PPARA: variants seen among roughly 807,000 people sequenced by gnomAD.
The protein encoded by PPARA is peroxisome proliferator activated receptor alpha.
A neutral mutation model predicts 42.2 loss-of-function variants in PPARA; 22 were observed. The ratio of observed to expected loss-of-function variants is 0.52; its 90% CI spans 0.37 to 0.74. The LOEUF (loss-of-function observed/expected upper bound fraction) is 0.74, where lower values mean the gene tolerates loss of function less well. Among genes scored for constraint, PPARA ranks in the 30% least tolerant of loss-of-function variants. The pLI is 0.00. For synonymous variants in PPARA, 242 were observed against 239.3 expected (o/e 1.01, Z -0.10); for missense variants, 465 against 608.2 (o/e 0.76, Z 2.48).
intron 3 of PPARA, among the ~76,000 whole-genome samples, chr22:46,186,856 CTA>C (rs1170728631): frequency 1.3e-5 from 2 of 152,092 alleles, no homozygotes; most frequent in African/African-American, 2.4e-5. Context: ...CCTATATATG[CTA>C]TGTTTTTTCC....
chr22:46,153,872 T>C (rs778916809), intron 2 of PPARA, among the ~76,000 whole-genome samples: 53 of 151,454 alleles, frequency 3.5e-4, no homozygotes, highest in Non-Finnish European at 4.9e-4. Flanking sequence ...AAAAAAAAAA[T>C]TGTATATGAG....
At chr22:46,151,492 A>G (rs1300047736) in intron 1 of PPARA, among the ~76,000 whole-genome samples, 1 of 152,358 alleles carries the variant, frequency 6.6e-6, no homozygotes, top group Non-Finnish European at 1.5e-5. Flanking sequence ...ACGCACCCCA[A>G]CCGGGCACAA....
chr22:46,212,465 A>G lies in PPARA; in HGVS notation c.209-2708A>G, dbSNP rs1277852086. On this transcript the variant is annotated intron_variant, in intron 4 of 8. Transcript: ENST00000407236. This position sits in a 1 kb window ranked among gnomAD's most constrained non-coding sequence, Gnocchi z 4.2. ...AGCCAGCTCAGAAATGGTTCTTTTTACCATTGCTATAATTTTGCCTTTTCC... is the reference window on the plus strand; with the variant it reads ...AGCCAGCTCAGAAATGGTTCTTTTTGCCATTGCTATAATTTTGCCTTTTCC... Among the ~76,000 whole-genome samples, 1 of 152,138 alleles carries G rather than the reference A, an allele frequency of 6.6e-6. No homozygotes were observed. The highest frequency in any genetic ancestry group is 1.5e-5 in the Non-Finnish European group (1 of 68,028).
chr22:46,210,378 ATTCAG>A (rs1422004989), intron 4 of PPARA, among the ~76,000 whole-genome samples: 1 of 146,860 alleles, frequency 6.8e-6, no homozygotes, highest in African/African-American at 2.5e-5. Context: ...GTCCCTTTCT[ATTCAG>A]TTATTTTTCT....
rs940559462 is a variant in PPARA at position 46,227,175 on chromosome 22, T to G, written c.712-4617T>G. On this transcript the variant is annotated intron_variant, in intron 7 of 8. Transcript: ENST00000407236. The surrounding 1 kb of genome is among the most constrained non-coding windows in gnomAD (Gnocchi z 4.3). ...ATTTTATGCCATTTCTACAAATGTA[T>G]AGTAAAACATAACCAAGAGAGCTTA... Among the ~76,000 whole-genome samples the G allele has an allele frequency of 6.7e-6, 1 of 148,644 alleles. No individual in the cohort carries two copies. Among genetic ancestry groups the G allele is most frequent in the Non-Finnish European group, 1.5e-5 (1 of 66,900 alleles).
At chr22:46,229,098 C>G (rs1601818196) in intron 7 of PPARA, among the ~76,000 whole-genome samples, 1 of 137,760 alleles carries the variant, frequency 7.3e-6, no homozygotes, top group East Asian at 2.0e-4. Flanking sequence ...CAGAGCGAGA[C>G]TCCATCTCAA....
chr22:46,198,652 TTC>T (rs1192229505), intron 4 of PPARA, 61 bp downstream of exon 4: 56 of 1,376,714 alleles, frequency 4.1e-5, no homozygotes, highest in Non-Finnish European at 5.1e-5. Context: ...AAGAAAACTG[TTC>T]TCTCTTTTTT....
chr22:46,205,519 CATAT>C (rs552533545), intron 4 of PPARA, among the ~76,000 whole-genome samples: 531 of 34,402 alleles, frequency 0.015, 15 homozygotes, highest in East Asian at 0.032. Context: ...CATGCCCAGC[CATAT>C]ATATATATAT....
At chr22:46,154,988 T>TAAAAAAAAAAAAA (rs71190699) in intron 2 of PPARA, 1 of 31,000 alleles carries the variant, frequency 3.2e-5, no homozygotes, top group African/African-American at 1.1e-4. Context: ...GGTCTTTCTT[T>TAAAAAAAAAAAAA]AAAAAAAAAA....
chr22:46,241,486 T>A lies in PPARA; in HGVS notation c.*6106T>A, dbSNP rs1223807268. ...ATGCAGCAGGTTCTTAAACGTTATTTCAGTGGCATGGGCTGGAAGCTTATC... is the reference window on the plus strand; with the variant it reads ...ATGCAGCAGGTTCTTAAACGTTATTACAGTGGCATGGGCTGGAAGCTTATC... On this transcript the variant is annotated 3_prime_UTR_variant, in exon 9 of 9. Transcript: ENST00000407236. This position sits in a 1 kb window ranked among gnomAD's most constrained non-coding sequence, Gnocchi z 5.7. 1 of 152,238 alleles carries A rather than the reference T, an allele frequency of 6.6e-6. No individual in the cohort carries two copies. The highest frequency in any genetic ancestry group is 1.5e-5 in the Non-Finnish European group (1 of 68,040). The allele number at this position is 152,238 out of a possible 1,614,324, so 9.4% of individuals were successfully genotyped here.
Position 46,224,648 on chromosome 22 carries a change from G to A in PPARA, c.711+4634G>A, listed in dbSNP as rs1012405870. Among the ~76,000 whole-genome samples the A allele has an allele frequency of 3.9e-5, 6 of 152,080 alleles. No individual in the cohort carries two copies. The highest frequency in any genetic ancestry group is 9.7e-5 in the African/African-American group (4 of 41,396). On this transcript the variant is annotated intron_variant, in intron 7 of 8. Transcript: ENST00000407236. The surrounding 1 kb of genome is among the most constrained non-coding windows in gnomAD (Gnocchi z 5.7). ...TCATTTCTGTTTGGGGATGAGAGGCGGCACAGTAAACTGTCCAGGCCAGTA... is the reference window on the plus strand; with the variant it reads ...TCATTTCTGTTTGGGGATGAGAGGCAGCACAGTAAACTGTCCAGGCCAGTA...
At position 46,225,348 on chromosome 22, in the gene PPARA, A is replaced by G. The variant is rs1202868762; in HGVS notation, c.711+5334A>G. 6.6e-6 allele frequency among the ~76,000 whole-genome samples: 1 copy of G among 152,120 alleles called. No individual in the cohort carries two copies. Among genetic ancestry groups the G allele is most frequent in the African/African-American group, 2.4e-5 (1 of 41,398 alleles). ...GTCAGGGGGCTGAGGGAGGCAATAAAAATGGGTGCTTTTCAACAGTGTCTA... is the reference window on the plus strand; with the variant it reads ...GTCAGGGGGCTGAGGGAGGCAATAAGAATGGGTGCTTTTCAACAGTGTCTA... On this transcript the variant is annotated intron_variant, in intron 7 of 8. Transcript: ENST00000407236. The surrounding 1 kb of genome is among the most constrained non-coding windows in gnomAD (Gnocchi z 4.1).
At chr22:46,153,461 G>C (rs924046333) in intron 2 of PPARA, among the ~76,000 whole-genome samples, 16 of 152,174 alleles carry the variant, frequency 1.1e-4, no homozygotes, top group African/African-American at 3.9e-4. Flanking sequence ...GAGCCACCGC[G>C]CCGGGCCCTT....
chr22:46,186,533 C>T (rs1047631721), intron 3 of PPARA, among the ~76,000 whole-genome samples: 1 of 152,128 alleles, frequency 6.6e-6, no homozygotes, highest in Non-Finnish European at 1.5e-5. Flanking sequence ...GTGCCCATTA[C>T]TCTATAGACA....
At chr22:46,210,119 G>C (rs1017153409) in intron 4 of PPARA, among the ~76,000 whole-genome samples, 21 of 151,778 alleles carry the variant, frequency 1.4e-4, no homozygotes, top group Admixed American at 7.2e-4. Flanking sequence ...AGACCAGCCT[G>C]ACCAACATGG....
At position 46,191,394 on chromosome 22, in the gene PPARA, T is replaced by G. The variant is rs1031246781; in HGVS notation, c.-42-6948T>G. Among the ~76,000 whole-genome samples the G allele has an allele frequency of 6.6e-6, 1 of 152,060 alleles. No individual in the cohort carries two copies. The highest frequency in any genetic ancestry group is 2.4e-5 in the African/African-American group (1 of 41,404). On this transcript the variant is annotated intron_variant, in intron 3 of 8. Transcript: ENST00000407236. The surrounding 1 kb of genome is among the most constrained non-coding windows in gnomAD (Gnocchi z 4.6). ...ACTCTTAATACAAACCACTTCCTTT[T>G]ATCACAGGACGCTTCCCAAGCTCTG...
rs1008351038 is a variant in PPARA at position 46,233,858 on chromosome 22, C to T, written c.1160-1275C>T. Among the ~76,000 whole-genome samples the T allele has an allele frequency of 1.3e-5, 2 of 150,278 alleles. No homozygotes were observed. On this transcript the variant is annotated intron_variant, in intron 8 of 8. Transcript: ENST00000407236. This position sits in a 1 kb window ranked among gnomAD's most constrained non-coding sequence, Gnocchi z 7.3. ...TTTTTTTTTGAGACAGAGTCTCCGT[C>T]TGTCACCCTGGCTGGAGTGCAGTGG...
In PPARA at chr22:46,211,739, G is replaced by T. The variant is rs1019215321; in HGVS notation, c.209-3434G>T. ...CTTGCTCTGTCACCCAGGCTGGAGT[G>T]CAGTGGCACAATCTCGGCTCACTAC... On this transcript the variant is annotated intron_variant, in intron 4 of 8. Coordinates refer to ENST00000407236, the MANE Select transcript of PPARA (RefSeq NM_005036.6). This position sits in a 1 kb window ranked among gnomAD's most constrained non-coding sequence, Gnocchi z 4.1. Among the ~76,000 whole-genome samples, 6 of 151,418 alleles carry T rather than the reference G, an allele frequency of 4.0e-5. No individual in the cohort carries two copies. The highest frequency in any genetic ancestry group is 1.5e-4 in the African/African-American group (6 of 41,178).
rs780282586 is a variant in PPARA at position 46,167,022 on chromosome 22, T to C, written c.-126-9731T>C. Among the ~76,000 whole-genome samples the C allele has an allele frequency of 2.0e-5, 3 of 152,202 alleles. No homozygotes were observed. Among genetic ancestry groups the C allele is most frequent in the Non-Finnish European group, 2.9e-5 (2 of 68,034 alleles). On this transcript the variant is annotated intron_variant, in intron 2 of 8. Transcript: ENST00000407236. The surrounding 1 kb of genome is among the most constrained non-coding windows in gnomAD (Gnocchi z 4.1). ...AGTAATCAAGACAGTATGGTATTGA[T>C]ATGAAAATAGACCATTAGATGAATG...
Sources: allele counts gnomAD v4.1 joint callset (sites outside exome capture counted in the v4.1 genomes callset), GRCh38; gene constraint gnomAD v4.1.1; non-coding constraint Gnocchi (gnomAD v3.1); transcripts MANE v1.5; gene names NCBI Gene and HGNC (gene_info 2026-07-23, HGNC 2026-07-21).